MAN1A1: variants seen among roughly 807,000 people sequenced by gnomAD.
MAN1A1 encodes mannosyl-oligosaccharide 1,2-alpha-mannosidase IA.
Under a neutral mutation model 70.8 loss-of-function variants are expected in MAN1A1, and 29 were observed. The observed-to-expected ratio is 0.41, with a 90% CI of 0.31 to 0.56. The LOEUF (loss-of-function observed/expected upper bound fraction) is 0.56, where lower values mean the gene tolerates loss of function less well. Among genes scored for constraint, MAN1A1 ranks in the 20% least tolerant of loss-of-function variants. The probability of loss-of-function intolerance (pLI) is 0.29; values close to 1 mark genes in which losing one functional copy is unlikely to be tolerated. For missense variants in MAN1A1, 747 were observed against 841.3 expected (o/e 0.89, Z 1.39); for synonymous variants, 349 against 330.1 (o/e 1.06, Z -0.62).
intron 3 of MAN1A1, 136 bp from the exon 4 acceptor site, chr6:119,302,239 T>G (rs1772411377): frequency 2.0e-6 from 1 of 507,772 alleles, no homozygotes; most frequent in African/African-American, 1.9e-5. Context: ...TCTAAAATTC[T>G]TTCAATGAAA....
intron 5 of MAN1A1, among the ~76,000 whole-genome samples, chr6:119,276,938 G>C (rs1776081922): frequency 6.6e-6 from 1 of 152,068 alleles, no homozygotes; most frequent in Non-Finnish European, 1.5e-5. Flanking sequence ...AAAGTGTTTA[G>C]AATAAAGAGC....
intron 6 of MAN1A1, among the ~76,000 whole-genome samples, chr6:119,237,442 G>A (rs3778104): frequency 0.3 from 46,072 of 151,984 alleles, 7,400 homozygotes; most frequent in East Asian, 0.56. Flanking sequence ...GCCCCACTGC[G>A]AGTTTGCGTC....
chr6:119,209,639 G>A (rs1168874624), intron 6 of MAN1A1, among the ~76,000 whole-genome samples: 3 of 152,180 alleles, frequency 2.0e-5, no homozygotes, highest in Non-Finnish European at 4.4e-5. Flanking sequence ...GCGTCATTTA[G>A]CTGTATTCTC....
At chr6:119,190,188 G>A (rs1041554753) in intron 9 of MAN1A1, among the ~76,000 whole-genome samples, 2 of 152,200 alleles carry the variant, frequency 1.3e-5, no homozygotes, top group Admixed American at 6.5e-5. Context: ...ACAGGCCACT[G>A]TGCAGCAGTA....
Position 119,179,830 on chromosome 6 carries a change from T to G in MAN1A1, c.1951A>C (p.Arg651=), listed in dbSNP as rs35544784. 2.7e-5 allele frequency: 44 copies of G among 1,612,224 alleles called. No individual in the cohort carries two copies. The highest frequency in any genetic ancestry group is 3.4e-5 in the Non-Finnish European group (40 of 1,178,476). The change falls in exon 13 of 13, where the codon AGA becomes CGA. Residue 651 remains arginine, a synonymous_variant. Transcript: ENST00000368468. The stretch of plus-strand genomic sequence containing the variant: ...TATAAAATGTCTTTTTATTCCTCTC[T>G]GATTTCAACTTCCTTTTTATCTTTA... ...LPKDKKEVEI[R]EE is the part of the protein sequence containing the mutation.
intron 11 of MAN1A1, among the ~76,000 whole-genome samples, chr6:119,183,363 A>G (rs11964347): frequency 0.17 from 26,290 of 152,148 alleles, 2,754 homozygotes; most frequent in East Asian, 0.3. Context: ...GAGGATGAGC[A>G]TGAAGAAAGA....
intron 6 of MAN1A1, among the ~76,000 whole-genome samples, chr6:119,227,199 T>A (rs1418399377): frequency 6.6e-6 from 1 of 152,146 alleles, no homozygotes; most frequent in East Asian, 1.9e-4. Flanking sequence ...TTTGCTTGTA[T>A]AAAATTTAGA....
At chr6:119,304,197 A>G (rs776687146) in intron 3 of MAN1A1, among the ~76,000 whole-genome samples, 40 of 152,350 alleles carry the variant, frequency 2.6e-4, no homozygotes, top group Non-Finnish European at 5.4e-4. Flanking sequence ...AAAAAAGATA[A>G]AAGTTGTAAA....
intron 6 of MAN1A1, among the ~76,000 whole-genome samples, chr6:119,208,635 G>T (rs1002672481): frequency 6.6e-6 from 1 of 152,120 alleles, no homozygotes; most frequent in Non-Finnish European, 1.5e-5. Context: ...TGGTTAATAG[G>T]GCTGGAGGAA....
intron 2 of MAN1A1, among the ~76,000 whole-genome samples, chr6:119,321,658 C>T (rs1395296001): frequency 6.8e-6 from 1 of 147,588 alleles, no homozygotes; most frequent in Non-Finnish European, 1.5e-5. Flanking sequence ...TGCTCTGTCT[C>T]CCAGGCTGGA....
At chr6:119,339,326 G>A (rs1329815260) in intron 2 of MAN1A1, among the ~76,000 whole-genome samples, 1 of 152,054 alleles carries the variant, frequency 6.6e-6, no homozygotes. Context: ...AAATTTACTG[G>A]ACAAAGCTGT....
chr6:119,261,003 G>A (rs1775596150), intron 5 of MAN1A1, among the ~76,000 whole-genome samples: 1 of 46,704 alleles, frequency 2.1e-5, no homozygotes, highest in South Asian at 4.6e-4. Flanking sequence ...TTTTGAGATG[G>A]AGTCTCGCTC....
chr6:119,256,411 A>ATTTTTT (rs372688734), intron 5 of MAN1A1, among the ~76,000 whole-genome samples: 2 of 117,884 alleles, frequency 1.7e-5, no homozygotes, highest in African/African-American at 2.8e-5. Flanking sequence ...ATTGTATCTC[A>ATTTTTT]TTATTTTTTT....
chr6:119,182,847 A>C (rs1227649999), intron 11 of MAN1A1, among the ~76,000 whole-genome samples: 1 of 152,120 alleles, frequency 6.6e-6, no homozygotes, highest in Non-Finnish European at 1.5e-5. Context: ...TGTGGATCAT[A>C]ATTCTGTCCC....
At chr6:119,260,737 C>T (rs563110318) in intron 5 of MAN1A1, among the ~76,000 whole-genome samples, 2 of 152,214 alleles carry the variant, frequency 1.3e-5, no homozygotes, top group South Asian at 4.1e-4. Flanking sequence ...TATATTCTTA[C>T]AGTACTATAA....
intron 4 of MAN1A1, among the ~76,000 whole-genome samples, chr6:119,294,945 C>G (rs902093993): frequency 1.3e-5 from 2 of 151,944 alleles, no homozygotes; most frequent in African/African-American, 4.8e-5. Context: ...TAGATCTATC[C>G]CTTTTCCATA....
chr6:119,241,855 T>C (rs563296845), intron 6 of MAN1A1, among the ~76,000 whole-genome samples: 7 of 152,026 alleles, frequency 4.6e-5, no homozygotes, highest in Admixed American at 2.0e-4. Context: ...CCCAAACCAA[T>C]TGAAACAGAC....
chr6:119,319,836 C>G (rs1367806439), intron 2 of MAN1A1, among the ~76,000 whole-genome samples: 1 of 152,156 alleles, frequency 6.6e-6, no homozygotes, highest in Non-Finnish European at 1.5e-5. Flanking sequence ...GCCAATGGGA[C>G]TTTTGTCAAG....
chr6:119,265,532 T>C (rs1775729563), intron 5 of MAN1A1, among the ~76,000 whole-genome samples: 1 of 152,128 alleles, frequency 6.6e-6, no homozygotes, highest in Non-Finnish European at 1.5e-5. Context: ...TTTAAATAAA[T>C]AAACATTTAA....
Sources: gnomAD v4.1 joint callset for allele counts (sites outside exome capture counted in the v4.1 genomes callset) on GRCh38, gnomAD v4.1.1 for gene constraint, MANE v1.5 for transcripts, NCBI Gene and HGNC (gene_info 2026-07-23, HGNC 2026-07-21) for gene names.